The following CDH6 variants were observed in gnomAD, a reference collection of about 807,000 sequenced individuals.
The protein encoded by CDH6 is cadherin-6.
CDH6 carries 31 observed loss-of-function variants against 78.0 expected under a neutral mutation model. The observed-to-expected ratio is 0.40, with a 90% CI of 0.30 to 0.54. The LOEUF (loss-of-function observed/expected upper bound fraction) is 0.54. Among genes scored for constraint, CDH6 ranks in the 20% least tolerant of loss-of-function variants. The pLI, the probability that CDH6 is intolerant of heterozygous loss-of-function variation, is 0.56. For synonymous variants in CDH6, 376 were observed against 368.8 expected (o/e 1.02, Z -0.23); for missense variants, 724 against 975.9 (o/e 0.74, Z 3.44).
chr5:31,199,567 C>A (rs1561193536), intron 1 of CDH6, among the ~76,000 whole-genome samples: 1 of 144,116 alleles, frequency 6.9e-6, no homozygotes, highest in African/African-American at 2.6e-5. Flanking sequence ...TATATATATG[C>A]TCAGAGCATA....
In CDH6 at chr5:31,328,120, G is replaced by A. The variant is rs971455124; in HGVS notation, c.*4812G>A. The A allele has an allele frequency of 9.4e-6, 2 of 211,934 alleles. No individual in the cohort carries two copies. Among genetic ancestry groups the A allele is most frequent in the Non-Finnish European group, 1.9e-5 (2 of 104,942 alleles). 13.1% of individuals were successfully genotyped at this position (211,934 alleles called of 1,614,324 possible). On this transcript the variant is annotated 3_prime_UTR_variant, in exon 12 of 12. Coordinates refer to ENST00000265071, the MANE Select transcript of CDH6 (RefSeq NM_004932.4). ...GACAGGACTGAGGCACTTAGCCGAG[G>A]AGCCACTGGGTTATTAGATTAATTT...
At chr5:31,271,905 C>T (rs1742541024) in intron 2 of CDH6, among the ~76,000 whole-genome samples, 1 of 152,170 alleles carries the variant, frequency 6.6e-6, no homozygotes, top group Non-Finnish European at 1.5e-5. Context: ...CTCACCTCCC[C>T]AGAAATTCTG....
chr5:31,209,962 A>G (rs745855929), intron 1 of CDH6, among the ~76,000 whole-genome samples: 7 of 152,154 alleles, frequency 4.6e-5, no homozygotes, highest in Non-Finnish European at 8.8e-5. Context: ...CCTTCAGCTC[A>G]TTGTGCCAAC....
chr5:31,216,404 G>C (rs1020396207), intron 1 of CDH6, among the ~76,000 whole-genome samples: 2 of 151,810 alleles, frequency 1.3e-5, no homozygotes, highest in Non-Finnish European at 2.9e-5. Flanking sequence ...AGAATCAACA[G>C]AAAAACAGTA....
rs115376393 is a variant in CDH6 at position 31,198,933 on chromosome 5, A to G, written c.-129+5047A>G. ...GGTGGATGGTAAATTAACTGGAGGA[A>G]TATCTTTTTCAAAGTGGTCTGAAAT... On this transcript the variant is annotated intron_variant, in intron 1 of 11. Coordinates refer to ENST00000265071, the MANE Select transcript of CDH6 (RefSeq NM_004932.4). Among the ~76,000 whole-genome samples the G allele has an allele frequency of 2.7e-3, 406 of 152,242 alleles. 4 individuals are homozygous for G. In the Middle Eastern group the frequency reaches 0.034, roughly 13 times the overall value.
intron 1 of CDH6, among the ~76,000 whole-genome samples, chr5:31,253,236 C>A (rs557210368): frequency 6.6e-6 from 1 of 152,142 alleles, no homozygotes; most frequent in South Asian, 2.1e-4. Context: ...CACATGCCGT[C>A]GGAGGGACCC....
intron 1 of CDH6, among the ~76,000 whole-genome samples, chr5:31,236,059 G>T (rs72749660): frequency 0.03 from 4,547 of 152,110 alleles, 91 homozygotes; most frequent in South Asian, 0.046. Context: ...ACATTTGTCA[G>T]ATTTTTTAAT....
At position 31,288,616 on chromosome 5, in the gene CDH6, T is replaced by A. The variant is rs116349132; in HGVS notation, c.229-5346T>A. Among the ~76,000 whole-genome samples the A allele has an allele frequency of 5.1e-3, 776 of 152,368 alleles. 7 individuals are homozygous for A. Among genetic ancestry groups the A allele is most frequent in the African/African-American group, 0.018 (749 of 41,592 alleles). ...GATGCAGTTAAGCCTCAATTTGTCA[T>A]AATTTGATTGATTGTGCTAATTTAA... On this transcript the variant is annotated intron_variant, in intron 2 of 11. Transcript: ENST00000265071.
chr5:31,289,376 G>A (rs967778903), intron 2 of CDH6, among the ~76,000 whole-genome samples: 2 of 152,130 alleles, frequency 1.3e-5, no homozygotes, highest in African/African-American at 4.8e-5. Context: ...AACTGTTGGT[G>A]AACACATAGG....
At chr5:31,198,862 T>G (rs191222073) in intron 1 of CDH6, among the ~76,000 whole-genome samples, 6 of 152,212 alleles carry the variant, frequency 3.9e-5, no homozygotes, top group East Asian at 3.9e-4. Context: ...AAATGCAAAC[T>G]TGAAAATTAC....
intron 1 of CDH6, among the ~76,000 whole-genome samples, chr5:31,211,398 G>GA (rs869288727): frequency 9.3e-4 from 38 of 40,912 alleles, no homozygotes; most frequent in African/African-American, 2.3e-3. Context: ...TAAGAAACTT[G>GA]AAAAAAAAAA....
In CDH6 at chr5:31,239,884, T is replaced by C. The variant is rs561145679; in HGVS notation, c.-128-27462T>C. On this transcript the variant is annotated intron_variant, in intron 1 of 11. Coordinates refer to ENST00000265071, the MANE Select transcript of CDH6 (RefSeq NM_004932.4). ...TCAGGGGATGGTCTACCCCTCTCTC[T>C]AGTCTAGGAAAAAAGCACATAATTT... Among the ~76,000 whole-genome samples the C allele has an allele frequency of 2.0e-5, 3 of 152,330 alleles. No individual in the cohort carries two copies. In the South Asian group the frequency reaches 6.2e-4, roughly 32 times the overall value.
At chr5:31,299,386 A>C in intron 4 of CDH6, 78 bp from the exon 5 acceptor site, 1 of 1,161,984 alleles carries the variant, frequency 8.6e-7, no homozygotes, top group South Asian at 1.4e-5. Flanking sequence ...GTGACAGTTT[A>C]TGTTGTTTGC....
intron 2 of CDH6, among the ~76,000 whole-genome samples, chr5:31,279,658 T>A (rs2149939618): frequency 6.6e-6 from 1 of 152,160 alleles, no homozygotes; most frequent in South Asian, 2.1e-4. Flanking sequence ...AGGTGGATCA[T>A]CATAAAGGTC....
At chr5:31,229,182 G>A (rs891360381) in intron 1 of CDH6, among the ~76,000 whole-genome samples, 3 of 152,250 alleles carry the variant, frequency 2.0e-5, no homozygotes, top group Non-Finnish European at 2.9e-5. Flanking sequence ...ACCTGAGTCC[G>A]ATCAAGGTGA....
At chr5:31,193,907 C>G (rs1041085171) in intron 1 of CDH6, 21 bp downstream of exon 1, 6 of 151,872 alleles carry the variant, frequency 4.0e-5, no homozygotes, top group African/African-American at 1.2e-4. Context: ...GCTCCGTTGG[C>G]TATGCATACA....
chr5:31,196,054 C>G (rs907279926), intron 1 of CDH6, among the ~76,000 whole-genome samples: 5 of 152,194 alleles, frequency 3.3e-5, no homozygotes, highest in African/African-American at 1.2e-4. Flanking sequence ...ATTTATTGCA[C>G]TTACATTTTG....
chr5:31,301,893 T>C (rs1349570657), intron 5 of CDH6, among the ~76,000 whole-genome samples: 1 of 152,196 alleles, frequency 6.6e-6, no homozygotes, highest in East Asian at 1.9e-4. Context: ...AAAAGTGTTC[T>C]CCATTTGCAA....
In CDH6 at chr5:31,325,863, G is replaced by C. The variant is rs750388971; in HGVS notation, c.*2555G>C. 5.6e-5 allele frequency: 13 copies of C among 231,368 alleles called. No homozygotes were observed. Among genetic ancestry groups the C allele is most frequent in the Non-Finnish European group, 9.4e-5 (11 of 117,054 alleles). The allele number at this position is 231,368 out of a possible 1,614,324, so 14.3% of individuals were successfully genotyped here. A position where few individuals can be genotyped will look rare whatever the true frequency, so the allele number is the denominator to read the frequency against. On this transcript the variant is annotated 3_prime_UTR_variant, in exon 12 of 12. Transcript: ENST00000265071. ...ACTGGGGCTAAATATTTAGTACCAGGGTACTGTAAGTATCAAGTTGGAGTG... is the reference window on the plus strand; with the variant it reads ...ACTGGGGCTAAATATTTAGTACCAGCGTACTGTAAGTATCAAGTTGGAGTG...
Sources: allele counts gnomAD v4.1 joint callset (sites outside exome capture counted in the v4.1 genomes callset), GRCh38; gene constraint gnomAD v4.1.1; transcripts MANE v1.5; gene names NCBI Gene and HGNC (gene_info 2026-07-23, HGNC 2026-07-21).